The following SOX6 variants were observed in gnomAD, a reference collection of about 807,000 sequenced individuals.
The protein encoded by SOX6 is transcription factor SOX-6.
SOX6 carries 11 observed loss-of-function variants against 97.8 expected under a neutral mutation model. The ratio of observed to expected loss-of-function variants is 0.11; its 90% confidence interval spans 0.07 to 0.19. SOX6 has a LOEUF of 0.19. Among genes scored for constraint, SOX6 ranks in the 10% least tolerant of loss-of-function variants. The pLI is 1.00. For missense variants in SOX6, 810 were observed against 1,039.5 expected, an observed-to-expected ratio of 0.78 and a Z score of 3.04; for synonymous variants, 360 against 371.4, an observed-to-expected ratio of 0.97 and a Z score of 0.35.
At chr11:16,085,814 A>G (rs934047397) in intron 9 of SOX6, among the ~76,000 whole-genome samples, 9 of 152,230 alleles carry the variant, frequency 5.9e-5, no homozygotes, top group African/African-American at 1.9e-4. Context: ...TCATCACAAA[A>G]CACATTTTAA....
At chr11:16,094,479 T>C (rs1313983707) in intron 9 of SOX6, among the ~76,000 whole-genome samples, 1 of 151,632 alleles carries the variant, frequency 6.6e-6, no homozygotes, top group Non-Finnish European at 1.5e-5. Context: ...GAAAGAAAAG[T>C]CCCACCAGGA....
chr11:16,712,078 T>TAA (rs1848185200), intron 3 of SOX6, among the ~76,000 whole-genome samples: 1 of 139,924 alleles, frequency 7.1e-6, no homozygotes, highest in Non-Finnish European at 1.6e-5. Context: ...TAGTATTCCA[T>TAA]ACACACACAC....
upstream of SOX6, among the ~76,000 whole-genome samples, chr11:16,359,426 T>C (rs915097205): frequency 2.6e-5 from 4 of 152,060 alleles, no homozygotes; most frequent in South Asian, 2.1e-4. Context: ...TAGGAAATCA[T>C]TGGATTAACA....
chr11:16,302,263 C>G (rs147204646), intron 3 of SOX6, among the ~76,000 whole-genome samples: 47 of 152,320 alleles, frequency 3.1e-4, no homozygotes, highest in African/African-American at 1.1e-3. Flanking sequence ...AAGTTCTCAA[C>G]TGCTCCCCAC....
At chr11:16,118,978 A>G (rs1416796635) in intron 6 of SOX6, among the ~76,000 whole-genome samples, 1 of 152,158 alleles carries the variant, frequency 6.6e-6, no homozygotes, top group East Asian at 1.9e-4. Flanking sequence ...AAGAGAGAAA[A>G]TAGAGAGTTC....
intron 4 of SOX6, among the ~76,000 whole-genome samples, chr11:16,498,029 G>C (rs1860635738): frequency 6.6e-6 from 1 of 152,132 alleles, no homozygotes; most frequent in South Asian, 2.1e-4. Context: ...ATTCACCAAA[G>C]TTGAAATGAA....
chr11:16,036,924 G>A (rs1293295613), intron 12 of SOX6, among the ~76,000 whole-genome samples: 2 of 152,124 alleles, frequency 1.3e-5, no homozygotes, highest in Non-Finnish European at 2.9e-5. Context: ...TGAAAACTTA[G>A]GAAAACAGTT....
chr11:16,184,055 T>G, intron 5 of SOX6, 101 bp from the exon 6 acceptor site: 1 of 1,018,638 alleles, frequency 9.8e-7, no homozygotes, highest in Admixed American at 1.9e-5. Flanking sequence ...TTACCGCACC[T>G]CTATGTGAAA....
intron 1 of SOX6, among the ~76,000 whole-genome samples, chr11:16,423,330 G>A (rs759447884): frequency 6.6e-6 from 1 of 152,004 alleles, no homozygotes; most frequent in African/African-American, 2.4e-5. Flanking sequence ...AGCCTTCTCT[G>A]ACAACCCTAT....
Position 16,055,862 on chromosome 11 carries a change from G to T in SOX6, c.1141C>A (p.Pro381Thr). Residue 381 changes from proline (P) to threonine (T), a missense_variant, in exon 10 of 16, where the codon CCT (proline) becomes ACT (threonine). Transcript: ENST00000683767. ...GGAGTTGATGGCATCTTTGCTCCAG[G>T]TGACACCTGCATGCTGGCCAGCTGA... Reference protein sequence around the residue: ...AAQLASMQVSPGAKMPSTPQP... With the variant: ...AAQLASMQVSTGAKMPSTPQP... 2 of 1,613,768 alleles carry T rather than the reference G, an allele frequency of 1.2e-6. No individual in the cohort carries two copies. The highest frequency in any genetic ancestry group is 1.7e-6 in the Non-Finnish European group (2 of 1,179,832).
intron 3 of SOX6, among the ~76,000 whole-genome samples, chr11:16,265,140 A>G (rs1003542239): frequency 3.3e-5 from 5 of 151,950 alleles, no homozygotes; most frequent in Admixed American, 1.3e-4. Flanking sequence ...AGAGAAAGGA[A>G]TCCAGAGATC....
chr11:16,579,876 T>C (rs960921164), intron 4 of SOX6, among the ~76,000 whole-genome samples: 1 of 152,160 alleles, frequency 6.6e-6, no homozygotes, highest in African/African-American at 2.4e-5. Flanking sequence ...CAGATAGTTT[T>C]CAAAATTAGT....
At chr11:16,262,632 G>A (rs763621089) in intron 3 of SOX6, among the ~76,000 whole-genome samples, 5 of 152,040 alleles carry the variant, frequency 3.3e-5, no homozygotes, top group Non-Finnish European at 5.9e-5. Flanking sequence ...CTTAGAGAGT[G>A]CATTTGCCAG....
chr11:16,387,121 A>C (rs1467526714), intron 1 of SOX6, among the ~76,000 whole-genome samples: 1 of 152,172 alleles, frequency 6.6e-6, no homozygotes. Context: ...AGTGGTTTCA[A>C]ACTTGTCAGC....
chr11:16,097,440 G>A (rs928193760), intron 8 of SOX6, among the ~76,000 whole-genome samples, 169 bp downstream of exon 8: 1 of 151,784 alleles, frequency 6.6e-6, no homozygotes, highest in African/African-American at 2.4e-5. Context: ...ATTGAAACTG[G>A]CAGTTTTCTC....
chr11:16,335,057 G>C (rs1197467580), intron 2 of SOX6, among the ~76,000 whole-genome samples: 1 of 152,134 alleles, frequency 6.6e-6, no homozygotes, highest in East Asian at 1.9e-4. Context: ...AGCTTTGCCA[G>C]ATTCCATGCA....
intron 13 of SOX6, among the ~76,000 whole-genome samples, chr11:15,999,978 A>G (rs1196633061): frequency 6.6e-6 from 1 of 152,226 alleles, no homozygotes; most frequent in Non-Finnish European, 1.5e-5. Context: ...AAAAGAGAGT[A>G]CTAATACTAC....
intron 4 of SOX6, among the ~76,000 whole-genome samples, chr11:16,579,761 G>T (rs1288983294): frequency 6.6e-6 from 1 of 152,080 alleles, no homozygotes; most frequent in East Asian, 1.9e-4. Context: ...AACAAGCGGT[G>T]TATGTCTTTT....
At chr11:16,043,027 A>T (rs1325211322) in intron 12 of SOX6, among the ~76,000 whole-genome samples, 2 of 152,104 alleles carry the variant, frequency 1.3e-5, no homozygotes, top group Non-Finnish European at 2.9e-5. Flanking sequence ...ACATACTTTA[A>T]CATCTACCCC....
Sources: gnomAD v4.1 joint callset for allele counts (sites outside exome capture counted in the v4.1 genomes callset) on GRCh38, gnomAD v4.1.1 for gene constraint, MANE v1.5 for transcripts, NCBI Gene and HGNC (gene_info 2026-07-23, HGNC 2026-07-21) for gene names.